GFRA2: variants seen among roughly 807,000 people sequenced by gnomAD.
GFRA2 encodes GDNF family receptor alpha 2, also known as GDNF family receptor alpha-2.
A neutral mutation model predicts 48.3 loss-of-function variants in GFRA2; 17 were observed. The ratio of observed to expected loss-of-function variants is 0.35; its 90% CI spans 0.24 to 0.53. The LOEUF is 0.53. Among genes scored for constraint, GFRA2 ranks in the 20% least tolerant of loss-of-function variants. The pLI is 0.93. For synonymous variants in GFRA2, 305 were observed against 257.2 expected (o/e 1.19, Z -1.78); for missense variants, 660 against 637.3 (o/e 1.04, Z -0.38).
intron 4 of GFRA2, among the ~76,000 whole-genome samples, chr8:21,730,048 G>T (rs990656114): frequency 4.0e-5 from 6 of 151,510 alleles, no homozygotes; most frequent in African/African-American, 1.5e-4. Flanking sequence ...TTGGTGGGAG[G>T]GGGGGCCTCA....
At chr8:21,707,437 G>A (rs536697419) in intron 4 of GFRA2, among the ~76,000 whole-genome samples, 4 of 152,324 alleles carry the variant, frequency 2.6e-5, no homozygotes, top group Admixed American at 6.5e-5. Flanking sequence ...GAAGGTGCTG[G>A]TGCCTGCTGA....
chr8:21,760,023 A>G (rs1351724250), intron 3 of GFRA2, among the ~76,000 whole-genome samples: 13 of 152,294 alleles, frequency 8.5e-5, no homozygotes, highest in African/African-American at 2.9e-4. Flanking sequence ...ACAAGGTAAG[A>G]GAATTCCAAG....
At chr8:21,723,999 G>A (rs1309524972) in intron 4 of GFRA2, among the ~76,000 whole-genome samples, 1 of 152,176 alleles carries the variant, frequency 6.6e-6, no homozygotes, top group Non-Finnish European at 1.5e-5. Context: ...GCAGAGTAGA[G>A]TGTATGGAAA....
chr8:21,752,181 A>T (rs549885968), intron 3 of GFRA2, among the ~76,000 whole-genome samples: 97 of 152,196 alleles, frequency 6.4e-4, no homozygotes, highest in African/African-American at 2.2e-3. Flanking sequence ...TCTTCAATTA[A>T]AAAAAGACCT....
In GFRA2 at chr8:21,750,909, C is replaced by A. The variant is rs776935350; in HGVS notation, c.473G>T (p.Ser158Ile). 6.2e-7 allele frequency: 1 copy of A among 1,613,366 alleles called. No homozygotes were observed. Among genetic ancestry groups the A allele is most frequent in the Non-Finnish European group, 8.5e-7 (1 of 1,179,784 alleles). ...CTTGGCAGCATCCAGGCAATGGTTG[C>A]TCTTGGCGCTGACCACCGGGTCTGC... ...TGADPVVSAK[S>I]NHCLDAAKAC... The change falls in exon 4 of 9, where the codon AGC becomes ATC. Residue 158 changes from serine (S) to isoleucine (I), a missense_variant. By Grantham distance (142) the Ser-to-Ile change is moderately radical. Coordinates refer to ENST00000524240, the MANE Select transcript of GFRA2 (RefSeq NM_001495.5). This position sits in a 1 kb window ranked among gnomAD's most constrained non-coding sequence, Gnocchi z 5.7.
intron 2 of GFRA2, among the ~76,000 whole-genome samples, chr8:21,776,291 G>A (rs993523423): frequency 6.6e-5 from 10 of 151,908 alleles, no homozygotes; most frequent in African/African-American, 2.4e-4. Context: ...GTTATTTCCG[G>A]CAGACCCCCA....
chr8:21,723,676 C>T (rs757363228), intron 4 of GFRA2, among the ~76,000 whole-genome samples: 4 of 152,138 alleles, frequency 2.6e-5, no homozygotes, highest in Non-Finnish European at 4.4e-5. Context: ...GCAGGGTCCA[C>T]TGGGAAGACT....
intron 1 of GFRA2, among the ~76,000 whole-genome samples, chr8:21,806,089 T>C (rs1377068562): frequency 6.6e-6 from 1 of 152,144 alleles, no homozygotes; most frequent in Non-Finnish European, 1.5e-5. Context: ...GCTCTTCATC[T>C]ACCCTAATTA....
At chr8:21,779,562 T>C (rs1242917839) in intron 2 of GFRA2, 2 of 152,336 alleles carry the variant, frequency 1.3e-5, no homozygotes, top group Admixed American at 6.5e-5. Context: ...AGCTCAGGCA[T>C]TGAGCGCTTT....
chr8:21,803,899 G>A (rs1807813232), intron 2 of GFRA2, among the ~76,000 whole-genome samples: 1 of 152,162 alleles, frequency 6.6e-6, no homozygotes, highest in East Asian at 1.9e-4. Flanking sequence ...GTGAGCCACT[G>A]TGCATGGCCC....
At chr8:21,714,243 G>GTTATTTT (rs1385783305) in intron 4 of GFRA2, among the ~76,000 whole-genome samples, 4 of 46,036 alleles carry the variant, frequency 8.7e-5, no homozygotes, top group South Asian at 1.2e-3. Context: ...CTGGTCTGAA[G>GTTATTTT]TTCTTTTTTT....
intron 4 of GFRA2, among the ~76,000 whole-genome samples, chr8:21,747,149 G>A (rs555700310): frequency 6.6e-6 from 1 of 152,302 alleles, no homozygotes; most frequent in South Asian, 2.1e-4. Flanking sequence ...TCAAGGCCCA[G>A]TTCCGGTCTG....
intron 3 of GFRA2, among the ~76,000 whole-genome samples, chr8:21,765,255 G>T (rs36127381): frequency 4.0e-5 from 6 of 151,604 alleles, no homozygotes; most frequent in African/African-American, 1.5e-4. Flanking sequence ...AGGACCACCC[G>T]CATGTGCCAC....
chr8:21,778,586 C>G (rs1806824594), intron 2 of GFRA2, among the ~76,000 whole-genome samples: 1 of 152,180 alleles, frequency 6.6e-6, no homozygotes, highest in African/African-American at 2.4e-5. Context: ...AATGAATAAA[C>G]CATCTCAAGA....
chr8:21,778,677 G>A (rs1197703915), intron 2 of GFRA2, among the ~76,000 whole-genome samples: 1 of 152,170 alleles, frequency 6.6e-6, no homozygotes, highest in Non-Finnish European at 1.5e-5. Context: ...GATTGCTTGA[G>A]GCCAGAAGTT....
rs372861405 is a variant in GFRA2, at chr8:21,784,938, G to C, written c.41-2039C>G. Among the ~76,000 whole-genome samples the C allele has an allele frequency of 2.3e-3, 353 of 152,210 alleles. 9 individuals are homozygous for C. The East Asian group carries it at 0.061, about 26-fold the overall frequency. ...CCCCCAAGAGCAGCTGAGTTGACAC[G>C]GCCCCGCCTGTACCTGCGGCCCCCA... On this transcript the variant is annotated intron_variant, in intron 1 of 8. Transcript: ENST00000524240.
Position 21,782,910 on chromosome 8 carries a change from G to T in GFRA2, c.41-11C>A. The stretch of plus-strand genomic sequence containing the variant: ...AGCGGAGGGTCTCGTCTGGGTGGTG[G>T]GGAGGGAAGACAAGCATGAATGACG... On this transcript the variant is annotated splice_polypyrimidine_tract_variant and intron_variant, in intron 1 of 8. Transcript: ENST00000524240. 6.5e-7 allele frequency: 1 copy of T among 1,544,430 alleles called. No homozygotes were observed. The highest frequency in any genetic ancestry group is 1.2e-5 in the South Asian group (1 of 84,828).
intron 4 of GFRA2, among the ~76,000 whole-genome samples, chr8:21,719,945 C>T (rs1803515196): frequency 6.6e-6 from 1 of 152,190 alleles, no homozygotes; most frequent in African/African-American, 2.4e-5. Flanking sequence ...GCTCTTAGTT[C>T]TAGCAGCTCC....
intron 3 of GFRA2, among the ~76,000 whole-genome samples, chr8:21,773,373 G>A (rs1806530370): frequency 2.0e-5 from 3 of 152,124 alleles, no homozygotes; most frequent in Admixed American, 6.5e-5. Flanking sequence ...CCCAACCACC[G>A]CCAGTGCCCA....
Sources: gnomAD v4.1 joint callset for allele counts (sites outside exome capture counted in the v4.1 genomes callset) on GRCh38, gnomAD v4.1.1 for gene constraint, Gnocchi (gnomAD v3.1) non-coding constraint, MANE v1.5 for transcripts, NCBI Gene and HGNC (gene_info 2026-07-23, HGNC 2026-07-21) for gene names.